The following RELL2 variants were observed in gnomAD, a reference collection of about 807,000 sequenced individuals.
RELL2 encodes the protein RELT-like protein 2.
Under a neutral mutation model 27.5 loss-of-function variants are expected in RELL2, and 18 were observed. The observed-to-expected ratio is 0.65, with a 90% CI of 0.45 to 0.97. The LOEUF is 0.97. RELL2 is among the 50% of genes least tolerant of loss of function. RELL2 has a pLI of 0.00. For synonymous variants in RELL2, 156 were observed against 147.5 expected, an observed-to-expected ratio of 1.06 and a Z score of -0.42; for missense variants, 370 against 397.5, an observed-to-expected ratio of 0.93 and a Z score of 0.59.
Position 141,640,664 on chromosome 5 carries a change from C to T in RELL2, c.*2-7C>T. On this transcript the variant is annotated splice_polypyrimidine_tract_variant and splice_region_variant and intron_variant, in intron 6 of 6. Coordinates refer to ENST00000297164, the MANE Select transcript of RELL2 (RefSeq NM_173828.5). ...AAGCAACAGTGTTATTCTTCCTCTT[C>T]TCCAAGTCTCCTTCATTGTGCTGAT... is the stretch of plus-strand genomic sequence containing the variant. 1.3e-6 allele frequency: 2 copies of T among 1,536,010 alleles called. No homozygotes were observed. Among genetic ancestry groups the T allele is most frequent in the Non-Finnish European group, 1.7e-6 (2 of 1,146,478 alleles).
Position 141,638,300 on chromosome 5 carries a change from C to G in RELL2, c.75C>G (p.Phe25Leu), listed in dbSNP as rs774403356. Residue 25 changes from phenylalanine to leucine, a missense_variant, in exon 1 of 7, where the codon TTC becomes TTG. Coordinates refer to ENST00000297164, the MANE Select transcript of RELL2 (RefSeq NM_173828.5). ...LYMLFLLVLV[F>L]FLMGLVGFMI... ...TGCTCTTCCTGCTTGTGCTGGTCTT[C>G]TTCCTCATGGGCCTGGTAGGCTTCA... 6.2e-7 allele frequency: 1 copy of G among 1,613,980 alleles called. No individual in the cohort carries two copies. The highest frequency in any genetic ancestry group is 8.5e-7 in the Non-Finnish European group (1 of 1,180,026).
Position 141,638,375 on chromosome 5 carries a change from G to A in RELL2, c.150G>A (p.Arg50=), listed in dbSNP as rs1175814756. Residue 50 remains arginine (R), a synonymous_variant, in exon 1 of 7, where the codon AGG becomes AGA. Transcript: ENST00000297164. ...KKKGYRCRTS[R]GSEPDDAQLQ... is the part of the protein sequence containing the mutation. ...AGGGCTACCGCTGCCGCACGTCGAG[G>A]GGCTCTGAGCCTGACGATGCCCAGC... is the stretch of plus-strand genomic sequence containing the variant. 2 of 1,613,112 alleles carry A rather than the reference G, an allele frequency of 1.2e-6. No homozygotes were observed. Among genetic ancestry groups the A allele is most frequent in the East Asian group, 2.2e-5 (1 of 44,874 alleles).
rs2099906532 is a variant in RELL2, at chr5:141,639,110, G to A, written c.317+89G>A. ...CAATCCTCTCCCAGCCTCCTTGCATGTATGGGGTTGGGGGAAGGGCAAAGC... is the reference window on the plus strand; with the variant it reads ...CAATCCTCTCCCAGCCTCCTTGCATATATGGGGTTGGGGGAAGGGCAAAGC... On this transcript the variant is annotated intron_variant, in intron 3 of 6. Coordinates refer to ENST00000297164, the MANE Select transcript of RELL2 (RefSeq NM_173828.5). This position sits in a 1 kb window ranked among gnomAD's most constrained non-coding sequence, Gnocchi z 4.4. 3 of 1,179,048 alleles carry A rather than the reference G, an allele frequency of 2.5e-6. No homozygotes were observed. In the Admixed American group the frequency reaches 6.7e-5, roughly 26 times the overall value. 73.0% of individuals were successfully genotyped at this position (1,179,048 alleles called of 1,614,324 possible). A position where few individuals can be genotyped will look rare whatever the true frequency, so the allele number is the denominator to read the frequency against.
At position 141,640,728 on chromosome 5, in the gene RELL2, G is replaced by C; in HGVS notation, c.*59G>C. The C allele has an allele frequency of 6.7e-7, 1 of 1,490,520 alleles. No homozygotes were observed. Among genetic ancestry groups the C allele is most frequent in the Non-Finnish European group, 9.0e-7 (1 of 1,110,596 alleles). The allele number at this position is 1,490,520 out of a possible 1,614,324, so 92.3% of individuals were successfully genotyped here. A position where few individuals can be genotyped will look rare whatever the true frequency, so the allele number is the denominator to read the frequency against. ...GCAGGGCCAGGGGGTGGGTGGGCGTGAAAGCCCTCCCCTCCACTGGACAGC... is the reference window on the plus strand; with the variant it reads ...GCAGGGCCAGGGGGTGGGTGGGCGTCAAAGCCCTCCCCTCCACTGGACAGC... On this transcript the variant is annotated 3_prime_UTR_variant, in exon 7 of 7. Coordinates refer to ENST00000297164, the MANE Select transcript of RELL2 (RefSeq NM_173828.5).
Position 141,640,614 on chromosome 5 carries a change from A to G in RELL2, c.*2-57A>G, listed in dbSNP as rs543632419. The G allele has an allele frequency of 4.5e-6, 7 of 1,540,176 alleles. No homozygotes were observed. The Admixed American group carries it at 7.9e-5, about 17-fold the overall frequency. ...AGGGAAGGTCCTGGAGCCCCAGGGG[A>G]AAAGCTGGACACAGCTTGAACAGGA... is the stretch of plus-strand genomic sequence containing the variant. On this transcript the variant is annotated intron_variant, in intron 6 of 6. Transcript: ENST00000297164.
chr5:141,640,264 A>ACTTTT lies in RELL2; in HGVS notation c.848_849insCTTTT (p.Gln283HisfsTer30). On this transcript the variant is annotated frameshift_variant, in exon 5 of 7. Transcript: ENST00000297164. LOFTEE classifies it high-confidence loss of function. ...CTGCCCACTCAAGAGGCAAATGGGC[A>ACTTTT]GCCAAGCAAACCAGACACTTCTGAT... The ACTTTT allele has an allele frequency of 6.2e-7, 1 of 1,614,012 alleles. No homozygotes were observed. The highest frequency in any genetic ancestry group is 1.1e-5 in the South Asian group (1 of 91,084).
chr5:141,638,758 C>A (rs1424633785), intron 1 of RELL2, 37 bp from the exon 2 acceptor site: 1 of 1,579,948 alleles, frequency 6.3e-7, no homozygotes, highest in Middle Eastern at 1.7e-4. Flanking sequence ...AAAGCTGACT[C>A]ATTCCTGCTT....
In RELL2 at chr5:141,639,559, G is replaced by A; in HGVS notation, c.413G>A (p.Ser138Asn). The change falls in exon 4 of 7, where the codon AGC (serine) becomes AAC (asparagine). Residue 138 changes from serine to asparagine, a missense_variant. Physicochemically the swap from Ser to Asn is conservative, Grantham distance 46. Transcript: ENST00000297164. This position sits in a 1 kb window ranked among gnomAD's most constrained non-coding sequence, Gnocchi z 4.4. ...GCCCCTTGCCTCCATTGCAGCCGCA[G>A]CAAGAGGCCTCCACTTGTCCGTCAG... ...SAAPCLHCSRSKRPPLVRQGR... is the reference protein window; with the variant it reads ...SAAPCLHCSRNKRPPLVRQGR... The A allele has an allele frequency of 1.2e-6, 2 of 1,614,038 alleles. No homozygotes were observed. Among genetic ancestry groups the A allele is most frequent in the Non-Finnish European group, 1.7e-6 (2 of 1,180,012 alleles).
rs1435638902 is a variant in RELL2 at position 141,638,206 on chromosome 5, C to T, written c.-20C>T. 6.3e-7 allele frequency: 1 copy of T among 1,598,692 alleles called. No homozygotes were observed. The highest frequency in any genetic ancestry group is 1.7e-5 in the Admixed American group (1 of 58,030). On this transcript the variant is annotated 5_prime_UTR_variant, in exon 1 of 7. Transcript: ENST00000297164. ...TAAACCCAGGAGGCGCCCTGGCCCG[C>T]GCTCGCCCCCCAGGGCCTCATGTCG...
At position 141,639,399 on chromosome 5, in the gene RELL2, G is replaced by GT; in HGVS notation, c.318-64dup. The GT allele has an allele frequency of 7.2e-7, 1 of 1,393,648 alleles. No individual in the cohort carries two copies. The highest frequency in any genetic ancestry group is 2.2e-5 in the Admixed American group (1 of 46,402). 86.3% of individuals were successfully genotyped at this position (1,393,648 alleles called of 1,614,324 possible). The stretch of plus-strand genomic sequence containing the variant: ...GTTTTAAGGAGCATGCTGAAAGAAC[G>GT]TAAGAAACAAAACATGAAGGGAAAT... On this transcript the variant is annotated intron_variant, in intron 3 of 6. Coordinates refer to ENST00000297164, the MANE Select transcript of RELL2 (RefSeq NM_173828.5). This position sits in a 1 kb window ranked among gnomAD's most constrained non-coding sequence, Gnocchi z 4.4.
chr5:141,638,537 T>C, intron 1 of RELL2, 128 bp downstream of exon 1: 1 of 920,932 alleles, frequency 1.1e-6, no homozygotes, highest in East Asian at 2.6e-5. Context: ...TGATGCACTC[T>C]TGAGTTAGCA....
At chr5:141,638,749 A>G (rs1436195728) in intron 1 of RELL2, 46 bp from the exon 2 acceptor site, 1 of 1,535,904 alleles carries the variant, frequency 6.5e-7, no homozygotes, top group Non-Finnish European at 9.0e-7. Context: ...TATTCCCCCA[A>G]AGCTGACTCA....
chr5:141,639,803 C>G lies in RELL2; in HGVS notation c.504-117C>G, dbSNP rs1447783962. The G allele has an allele frequency of 1.5e-6, 2 of 1,316,320 alleles. No homozygotes were observed. The highest frequency in any genetic ancestry group is 1.5e-5 in the African/African-American group (1 of 68,572). 81.5% of individuals were successfully genotyped at this position (1,316,320 alleles called of 1,614,324 possible). On this transcript the variant is annotated intron_variant, in intron 4 of 6. Coordinates refer to ENST00000297164, the MANE Select transcript of RELL2 (RefSeq NM_173828.5). This position sits in a 1 kb window ranked among gnomAD's most constrained non-coding sequence, Gnocchi z 4.4. Reference sequence around the variant, plus strand: ...TGTGCCCCACAATCTGAGAAGGCCTCCCCTACCTTAGGCCAGAGGGAAGTA... The same window carrying G: ...TGTGCCCCACAATCTGAGAAGGCCTGCCCTACCTTAGGCCAGAGGGAAGTA...
intron 1 of RELL2, 56 bp downstream of exon 1, chr5:141,638,465 C>G: frequency 6.7e-7 from 1 of 1,493,178 alleles, no homozygotes; most frequent in African/African-American, 1.4e-5. Context: ...CTCCCCACAC[C>G]TCTGCCTCCC....
In RELL2 at chr5:141,639,715, C is replaced by A. The variant is rs1359147231; in HGVS notation, c.503+66C>A. ...GGCCCAGTGATCAGGCACCTGATCC[C>A]AAAAGTGGGCCTTGGCTCTTTCCTC... On this transcript the variant is annotated intron_variant, in intron 4 of 6. Coordinates refer to ENST00000297164, the MANE Select transcript of RELL2 (RefSeq NM_173828.5). The surrounding 1 kb of genome is among the most constrained non-coding windows in gnomAD (Gnocchi z 4.4). 10 of 1,472,508 alleles carry A rather than the reference C, an allele frequency of 6.8e-6. No individual in the cohort carries two copies. Among genetic ancestry groups the A allele is most frequent in the Non-Finnish European group, 8.3e-6 (9 of 1,083,118 alleles). 91.2% of individuals were successfully genotyped at this position (1,472,508 alleles called of 1,614,324 possible). A position where few individuals can be genotyped will look rare whatever the true frequency, so the allele number is the denominator to read the frequency against.
Position 141,638,130 on chromosome 5 carries a change from G to C in RELL2, c.-96G>C, listed in dbSNP as rs1596451583. 2 of 779,496 alleles carry C rather than the reference G, an allele frequency of 2.6e-6. No individual in the cohort carries two copies. Among genetic ancestry groups the C allele is most frequent in the Non-Finnish European group, 2.1e-6 (1 of 467,708 alleles). 48.3% of individuals were successfully genotyped at this position (779,496 alleles called of 1,614,324 possible). ...GGACGTCTTAGACGTGCTTGTTTCA[G>C]ATCCTGAGGACGGCATTCCTACCCC... is the stretch of plus-strand genomic sequence containing the variant. On this transcript the variant is annotated 5_prime_UTR_variant, in exon 1 of 7. Coordinates refer to ENST00000297164, the MANE Select transcript of RELL2 (RefSeq NM_173828.5).
In RELL2 at chr5:141,638,330, C is replaced by A. The variant is rs775287908; in HGVS notation, c.105C>A (p.Ile35=). 3.1e-6 allele frequency: 5 copies of A among 1,613,916 alleles called. No individual in the cohort carries two copies. The highest frequency in any genetic ancestry group is 1.3e-5 in the African/African-American group (1 of 74,900). The part of the protein sequence containing the change: ...FFLMGLVGFM[I]CHVLKKKGYR... ...TCATGGGCCTGGTAGGCTTCATGATCTGCCACGTGCTCAAGAAGAAGGGCT... is the reference window on the plus strand; with the variant it reads ...TCATGGGCCTGGTAGGCTTCATGATATGCCACGTGCTCAAGAAGAAGGGCT... The change falls in exon 1 of 7, where the codon ATC becomes ATA. Residue 35 remains isoleucine, a synonymous_variant. Coordinates refer to ENST00000297164, the MANE Select transcript of RELL2 (RefSeq NM_173828.5).
Position 141,639,667 on chromosome 5 carries a change from G to C in RELL2, c.503+18G>C. 1 of 1,584,596 alleles carries C rather than the reference G, an allele frequency of 6.3e-7. No individual in the cohort carries two copies. The highest frequency in any genetic ancestry group is 8.6e-7 in the Non-Finnish European group (1 of 1,165,044). ...GTGGGCAGGTGGGGCAGGTGCTCCAGGGAAAGGGGGGCTGAGGTAGGGGGC... is the reference window on the plus strand; with the variant it reads ...GTGGGCAGGTGGGGCAGGTGCTCCACGGAAAGGGGGGCTGAGGTAGGGGGC... On this transcript the variant is annotated intron_variant, in intron 4 of 6. Transcript: ENST00000297164. The surrounding 1 kb of genome is among the most constrained non-coding windows in gnomAD (Gnocchi z 4.4).
rs374162574 is a variant in RELL2, at chr5:141,638,377, G to T, written c.152G>T (p.Gly51Val). 1.4e-5 allele frequency: 23 copies of T among 1,612,886 alleles called. No homozygotes were observed. The highest frequency in any genetic ancestry group is 3.3e-4 in the Middle Eastern group (2 of 5,986). Reference protein sequence around the residue: ...KKGYRCRTSRGSEPDDAQLQP... With the variant: ...KKGYRCRTSRVSEPDDAQLQP... ...GGCTACCGCTGCCGCACGTCGAGGG[G>T]CTCTGAGCCTGACGATGCCCAGCTT... Residue 51 changes from glycine to valine, a missense_variant, in exon 1 of 7, where the codon GGC becomes GTC. Physicochemically the swap from Gly to Val is moderately radical, Grantham distance 109 (BLOSUM62 -3). Transcript: ENST00000297164.
Sources: gnomAD v4.1 joint callset for allele counts on GRCh38, gnomAD v4.1.1 for gene constraint, Gnocchi (gnomAD v3.1) non-coding constraint, MANE v1.5 for transcripts, NCBI Gene and HGNC (gene_info 2026-07-23, HGNC 2026-07-21) for gene names.